Variants in CCDC149 observed in about 807,000 individuals in gnomAD.
CCDC149 encodes coiled-coil domain-containing protein 149.
A neutral mutation model predicts 59.9 loss-of-function variants in CCDC149; 45 were observed. The observed-to-expected ratio is 0.75, with a 90% CI of 0.59 to 0.96. The LOEUF (loss-of-function observed/expected upper bound fraction) is 0.96, where lower values mean the gene tolerates loss of function less well. Among genes scored for constraint, CCDC149 ranks in the 40% least tolerant of loss-of-function variants. The pLI is 0.00. For synonymous variants in CCDC149, 245 were observed against 260.6 expected, an observed-to-expected ratio of 0.94 and a Z score of 0.58; for missense variants, 584 against 664.7, an observed-to-expected ratio of 0.88 and a Z score of 1.33.
At chr4:24,843,866 C>T (rs973607031) in intron 4 of CCDC149, among the ~76,000 whole-genome samples, 1 of 152,152 alleles carries the variant, frequency 6.6e-6, no homozygotes, top group Non-Finnish European at 1.5e-5. Context: ...CTACCTGCCT[C>T]CTGACCCCAT....
At chr4:24,862,927 C>A (rs1015932473) in intron 3 of CCDC149, among the ~76,000 whole-genome samples, 1 of 152,068 alleles carries the variant, frequency 6.6e-6, no homozygotes, top group Non-Finnish European at 1.5e-5. Flanking sequence ...TTTGCAGGCC[C>A]GTCACTGAAC....
intron 1 of CCDC149, among the ~76,000 whole-genome samples, chr4:24,941,594 C>T (rs1577496877): frequency 6.6e-6 from 1 of 152,006 alleles, no homozygotes; most frequent in Non-Finnish European, 1.5e-5. Flanking sequence ...TTCAAAAAAT[C>T]AATGAATCCA....
In CCDC149 at chr4:24,921,697, A is replaced by G. The variant is rs545574843; in HGVS notation, c.-64-26579T>C. 4.6e-5 allele frequency among the ~76,000 whole-genome samples: 7 copies of G among 152,350 alleles called. No homozygotes were observed. In the East Asian group the frequency reaches 9.6e-4, roughly 21 times the overall value. On this transcript the variant is annotated intron_variant, in intron 1 of 12. Transcript: ENST00000389609. ...AATGGCAGCCTCTGGCCTGCATTTC[A>G]TGGGCTGTTGAATATCTGGAATCCT...
At chr4:24,941,090 T>C (rs1276477366) in intron 1 of CCDC149, among the ~76,000 whole-genome samples, 4 of 152,158 alleles carry the variant, frequency 2.6e-5, no homozygotes, top group Non-Finnish European at 4.4e-5. Context: ...CAACAGAATA[T>C]ACATTCTTTT....
intron 1 of CCDC149, among the ~76,000 whole-genome samples, chr4:24,939,848 A>C (rs1680585879): frequency 6.6e-6 from 1 of 152,214 alleles, no homozygotes; most frequent in South Asian, 2.1e-4. Flanking sequence ...TTAGAGAAAA[A>C]AGAATAAAAA....
chr4:24,905,414 CGTGTGTGTGTGTGTGTGT>C (rs1163234474), intron 1 of CCDC149, among the ~76,000 whole-genome samples: 1 of 78,652 alleles, frequency 1.3e-5, no homozygotes, highest in African/African-American at 4.7e-5. Flanking sequence ...TGCGTGCGTG[CGTGTGTGTGTGTGTGTGT>C]GTGTGTGTGT....
chr4:24,844,167 G>A (rs949317970), intron 4 of CCDC149, among the ~76,000 whole-genome samples: 3 of 151,822 alleles, frequency 2.0e-5, no homozygotes, highest in Admixed American at 6.6e-5. Flanking sequence ...AGAAATAATC[G>A]CGTTCATCTG....
chr4:24,945,779 G>A (rs557583880), intron 1 of CCDC149, among the ~76,000 whole-genome samples: 23 of 152,048 alleles, frequency 1.5e-4, no homozygotes, highest in African/African-American at 5.3e-4. Context: ...CTGCCACCAC[G>A]CCCTGCTAAT....
At chr4:24,945,628 T>G (rs1723086116) in intron 1 of CCDC149, among the ~76,000 whole-genome samples, 1 of 151,570 alleles carries the variant, frequency 6.6e-6, no homozygotes, top group Non-Finnish European at 1.5e-5. Context: ...CCCTAACTTT[T>G]TTTTTTTTTT....
chr4:24,967,496 G>A (rs958121888), intron 1 of CCDC149, among the ~76,000 whole-genome samples: 1 of 151,924 alleles, frequency 6.6e-6, no homozygotes, highest in African/African-American at 2.4e-5. Context: ...GACAGAACTG[G>A]GACAGTACCA....
chr4:24,934,063 A>G (rs191415193), intron 1 of CCDC149, among the ~76,000 whole-genome samples: 1 of 152,302 alleles, frequency 6.6e-6, no homozygotes, highest in African/African-American at 2.4e-5. Flanking sequence ...TTGCAGCATG[A>G]CAGCTGGCCT....
At chr4:24,951,132 T>C (rs1400021325) in intron 1 of CCDC149, among the ~76,000 whole-genome samples, 1 of 152,238 alleles carries the variant, frequency 6.6e-6, no homozygotes, top group African/African-American at 2.4e-5. Context: ...GTTCCGTGGG[T>C]GCCCAGGCTG....
chr4:24,828,839 T>G (rs554749436), intron 9 of CCDC149: 1 of 151,860 alleles, frequency 6.6e-6, no homozygotes, highest in Non-Finnish European at 1.5e-5. Flanking sequence ...AAAATAAACA[T>G]GAAAAAGTAC....
chr4:24,910,852 C>T (rs181014920), intron 1 of CCDC149, among the ~76,000 whole-genome samples: 155 of 152,214 alleles, frequency 1.0e-3, no homozygotes, highest in Non-Finnish European at 2.0e-3. Context: ...GAATTCCTAC[C>T]TTATGTCATT....
chr4:24,911,565 C>A (rs1235667562), intron 1 of CCDC149, among the ~76,000 whole-genome samples: 3 of 152,170 alleles, frequency 2.0e-5, no homozygotes, highest in African/African-American at 7.2e-5. Flanking sequence ...ACAAGGTCCC[C>A]AGAGGATCTG....
intron 1 of CCDC149, chr4:24,894,856 C>T: frequency 9.2e-7 from 1 of 1,089,956 alleles, no homozygotes; most frequent in Admixed American, 2.8e-5. Context: ...AAGTCGCTGA[C>T]ACCCCTGCAG....
chr4:24,816,045 C>A (rs749367029), intron 12 of CCDC149, among the ~76,000 whole-genome samples: 1 of 151,984 alleles, frequency 6.6e-6, no homozygotes, highest in South Asian at 2.1e-4. Context: ...CAGGATTTAC[C>A]AACCCACTCT....
chr4:24,871,042 CA>C (rs35580363), intron 3 of CCDC149, among the ~76,000 whole-genome samples: 1,369 of 77,956 alleles, frequency 0.018, 11 homozygotes, highest in African/African-American at 0.048. Flanking sequence ...GAGACTCCCT[CA>C]AAAAAAAAAA....
intron 1 of CCDC149, among the ~76,000 whole-genome samples, chr4:24,927,689 TA>T (rs1226310177): frequency 6.6e-6 from 1 of 152,172 alleles, no homozygotes; most frequent in Non-Finnish European, 1.5e-5. Context: ...AAATGCCTAT[TA>T]AACTTCCTTA....
Sources: gnomAD v4.1 joint callset for allele counts (sites outside exome capture counted in the v4.1 genomes callset) on GRCh38, gnomAD v4.1.1 for gene constraint, MANE v1.5 for transcripts, NCBI Gene and HGNC (gene_info 2026-07-23, HGNC 2026-07-21) for gene names.